CDH4: variants seen among roughly 807,000 people sequenced by gnomAD.
CDH4 encodes the protein cadherin 4, also known as cadherin-4.
In CDH4, 33 loss-of-function variants were observed where a neutral mutation model predicts 86.0. The ratio of observed to expected loss-of-function variants is 0.38; its 90% CI spans 0.29 to 0.51. The LOEUF is 0.51. Among genes scored for constraint, CDH4 ranks in the 20% least tolerant of loss-of-function variants. The pLI, the probability that CDH4 is intolerant of heterozygous loss-of-function variation, is 0.86. For missense variants in CDH4, 1,114 were observed against 1,307.4 expected (o/e 0.85, Z 2.28); for synonymous variants, 555 against 549.4 (o/e 1.01, Z -0.14).
At chr20:61,283,577 C>G (rs919717819) in intron 2 of CDH4, among the ~76,000 whole-genome samples, 2 of 145,878 alleles carry the variant, frequency 1.4e-5, no homozygotes, top group Admixed American at 6.9e-5. Context: ...TGCATTTGCA[C>G]GTGTGTGCTG....
intron 6 of CDH4, among the ~76,000 whole-genome samples, chr20:61,858,254 CGTCTGTGTGTCTGT>C (rs1983138225): frequency 5.0e-5 from 3 of 60,228 alleles, no homozygotes; most frequent in Admixed American, 1.7e-4. Context: ...TGTGTGTCTG[CGTCTGTGTGTCTGT>C]GTCTATGTGT....
intron 2 of CDH4, among the ~76,000 whole-genome samples, chr20:61,427,738 A>T (rs1285411806): frequency 6.6e-6 from 1 of 151,862 alleles, no homozygotes; most frequent in Non-Finnish European, 1.5e-5. Context: ...CCCACGCATT[A>T]TTTGTCTCTG....
At chr20:61,707,040 G>A (rs187003766) in intron 2 of CDH4, among the ~76,000 whole-genome samples, 230 of 152,350 alleles carry the variant, frequency 1.5e-3, no homozygotes, top group South Asian at 2.9e-3. Flanking sequence ...GGAAGCTTCC[G>A]TGGCGGTACT....
intron 2 of CDH4, among the ~76,000 whole-genome samples, chr20:61,714,203 C>T (rs534194682): frequency 1.6e-4 from 25 of 152,060 alleles, no homozygotes; most frequent in African/African-American, 5.1e-4. Context: ...TCCGCCACCA[C>T]GCCTGGCTAA....
At chr20:61,889,400 AGGGATG>A in intron 7 of CDH4, among the ~76,000 whole-genome samples, 3 of 142,804 alleles carry the variant, frequency 2.1e-5, no homozygotes, top group African/African-American at 8.0e-5. Context: ...ATGATGGATG[AGGGATG>A]GGTGGGTAGA....
chr20:61,793,026 A>G (rs953949446), intron 4 of CDH4, among the ~76,000 whole-genome samples: 8 of 151,520 alleles, frequency 5.3e-5, no homozygotes, highest in African/African-American at 1.9e-4. Flanking sequence ...GCAGTAGTGC[A>G]GTCTTGGCTT....
At chr20:61,654,895 CCCG>C (rs1568736402) in intron 2 of CDH4, among the ~76,000 whole-genome samples, 6 of 146,516 alleles carry the variant, frequency 4.1e-5, no homozygotes, top group Admixed American at 6.8e-5. Context: ...CAGACCCAGC[CCCG>C]CTCTGGACAG....
chr20:61,607,320 A>G (rs1342340216), intron 2 of CDH4, among the ~76,000 whole-genome samples: 2 of 152,216 alleles, frequency 1.3e-5, no homozygotes, highest in Non-Finnish European at 2.9e-5. Context: ...TAATACCATG[A>G]CCTTCTGAAA....
chr20:61,304,485 G>A (rs527555141), intron 2 of CDH4, among the ~76,000 whole-genome samples: 4 of 152,294 alleles, frequency 2.6e-5, no homozygotes, highest in Non-Finnish European at 4.4e-5. Flanking sequence ...GTCGTGTTGT[G>A]TGTGTGTGAA....
chr20:61,366,193 A>G (rs2084810141), intron 2 of CDH4, among the ~76,000 whole-genome samples: 1 of 152,120 alleles, frequency 6.6e-6, no homozygotes, highest in Non-Finnish European at 1.5e-5. Flanking sequence ...AGGGCTGAAG[A>G]CTCAACCCTA....
chr20:61,479,889 A>G (rs7271820), intron 2 of CDH4, among the ~76,000 whole-genome samples: 6,370 of 152,224 alleles, frequency 0.042, 467 homozygotes, highest in African/African-American at 0.14. Context: ...GTTTTTGATA[A>G]TTATGTTTTC....
At chr20:61,883,418 G>T (rs1170768997) in intron 7 of CDH4, among the ~76,000 whole-genome samples, 1 of 152,162 alleles carries the variant, frequency 6.6e-6, no homozygotes, top group Non-Finnish European at 1.5e-5. Context: ...GTCACAGCTC[G>T]GTGGGGGGCA....
intron 2 of CDH4, among the ~76,000 whole-genome samples, chr20:61,280,617 G>C (rs571291959): frequency 1.3e-5 from 2 of 152,370 alleles, no homozygotes; most frequent in African/African-American, 4.8e-5. Context: ...GGCTGGGGTA[G>C]TGATATAAAG....
intron 7 of CDH4, 88 bp downstream of exon 7, chr20:61,873,988 G>A (rs1319650781): frequency 3.5e-6 from 5 of 1,421,782 alleles, no homozygotes; most frequent in Admixed American, 1.8e-5. Flanking sequence ...CTCTCCAGTG[G>A]CGCCGTCGGG....
At chr20:61,640,172 A>G (rs1375421377) in intron 2 of CDH4, among the ~76,000 whole-genome samples, 1 of 152,220 alleles carries the variant, frequency 6.6e-6, no homozygotes. Context: ...GCGTGCGCTC[A>G]AAGTCGTTGA....
intron 2 of CDH4, among the ~76,000 whole-genome samples, chr20:61,402,217 G>T (rs2085053379): frequency 6.6e-6 from 1 of 152,198 alleles, no homozygotes; most frequent in African/African-American, 2.4e-5. Context: ...AGTCCTTGAT[G>T]TAAAATGATG....
chr20:61,726,976 G>A (rs1331367438), intron 2 of CDH4, among the ~76,000 whole-genome samples: 2 of 139,416 alleles, frequency 1.4e-5, no homozygotes, highest in East Asian at 2.2e-4. Context: ...TGCCATCATC[G>A]CCACCATAGG....
intron 2 of CDH4, among the ~76,000 whole-genome samples, chr20:61,438,913 C>CT (rs1167772780): frequency 1.4e-5 from 2 of 141,050 alleles, no homozygotes; most frequent in Admixed American, 1.4e-4. Context: ...TAAAAATTAG[C>CT]TAAAAAAAAA....
intron 2 of CDH4, among the ~76,000 whole-genome samples, chr20:61,558,665 G>T (rs551806875): frequency 2.6e-5 from 4 of 152,358 alleles, no homozygotes; most frequent in East Asian, 3.9e-4. Context: ...TCCATCACAA[G>T]AGCACAAGAA....
Sources: gnomAD v4.1 joint callset for allele counts (sites outside exome capture counted in the v4.1 genomes callset) on GRCh38, gnomAD v4.1.1 for gene constraint, MANE v1.5 for transcripts, NCBI Gene and HGNC (gene_info 2026-07-23, HGNC 2026-07-21) for gene names.